Variants in RAD51B observed in about 807,000 individuals in gnomAD.
RAD51B encodes DNA repair protein RAD51 homolog 2.
RAD51B carries 38 observed loss-of-function variants against 42.2 expected under a neutral mutation model. The observed-to-expected ratio is 0.90, with a 90% CI of 0.70 to 1.18. The LOEUF is 1.18. RAD51B is among the 50% of genes most tolerant of loss of function. RAD51B has a pLI of 0.00. For synonymous variants in RAD51B, 154 were observed against 145.2 expected (o/e 1.06, Z -0.43); for missense variants, 373 against 400.7 (o/e 0.93, Z 0.59).
rs117545362 is a variant in RAD51B at position 68,575,900 on chromosome 14, G to A, written c.1037-18585G>A. ...GTTCTTTTCAAAAGGATTTGACTAA[G>A]AAGAATGTAGTGAAGGCACAACTTA... On this transcript the variant is annotated intron_variant, in intron 10 of 10. Coordinates refer to the RAD51B transcript ENST00000487270. Among the ~76,000 whole-genome samples the A allele has an allele frequency of 3.8e-3, 577 of 152,348 alleles. 2 individuals carry two copies. Among genetic ancestry groups the A allele is most frequent in the Middle Eastern group, 6.8e-3 (2 of 294 alleles).
intron 10 of RAD51B, among the ~76,000 whole-genome samples, chr14:68,550,134 C>A (rs1023269924): frequency 6.6e-6 from 1 of 152,240 alleles, no homozygotes; most frequent in Non-Finnish European, 1.5e-5. Context: ...CCTGTGCACA[C>A]GCTGCGCCGT....
intron 10 of RAD51B, among the ~76,000 whole-genome samples, chr14:68,550,890 TAAAG>T (rs1157889378): frequency 6.6e-6 from 1 of 152,060 alleles, no homozygotes; most frequent in Admixed American, 6.6e-5. Flanking sequence ...AAAAAATAGT[TAAAG>T]AGAGGCATTT....
intron 7 of RAD51B, among the ~76,000 whole-genome samples, chr14:67,909,741 C>T (rs952975116): frequency 4.6e-5 from 7 of 152,156 alleles, no homozygotes; most frequent in South Asian, 4.1e-4. Context: ...TAGCGTAGCA[C>T]GAACATGGCT....
chr14:68,482,477 GGATAAGGATTAGGT>G, downstream of RAD51B, among the ~76,000 whole-genome samples: 1 of 152,280 alleles, frequency 6.6e-6, no homozygotes, highest in East Asian at 1.9e-4. Context: ...TGGAAAGGGA[GGATAAGGATTAGGT>G]AATGGGAGAA....
chr14:67,909,520 G>A (rs991162643), intron 7 of RAD51B, among the ~76,000 whole-genome samples: 1 of 152,112 alleles, frequency 6.6e-6, no homozygotes, highest in Non-Finnish European at 1.5e-5. Context: ...ATATCTTTGC[G>A]GTTTTGTTTG....
chr14:68,246,145 G>T (rs1214374637), intron 7 of RAD51B, among the ~76,000 whole-genome samples: 4 of 152,070 alleles, frequency 2.6e-5, no homozygotes, highest in African/African-American at 9.7e-5. Flanking sequence ...CACACAGTGG[G>T]CCCTAACTCC....
chr14:67,879,937 T>G (rs1452024368), intron 5 of RAD51B, among the ~76,000 whole-genome samples: 1 of 152,212 alleles, frequency 6.6e-6, no homozygotes, highest in Admixed American at 6.5e-5. Flanking sequence ...TGAAACCATA[T>G]TATTGCATTT....
chr14:67,951,113 G>A (rs755144438), intron 7 of RAD51B, among the ~76,000 whole-genome samples: 1 of 152,200 alleles, frequency 6.6e-6, no homozygotes, highest in Non-Finnish European at 1.5e-5. Flanking sequence ...ACACGGACAT[G>A]AAATGAGCAC....
intron 7 of RAD51B, among the ~76,000 whole-genome samples, chr14:68,245,769 T>C (rs1470816068): frequency 6.6e-6 from 1 of 152,110 alleles, no homozygotes; most frequent in Non-Finnish European, 1.5e-5. Context: ...CTGTTCAAGA[T>C]TGGTATTAAA....
chr14:68,395,556 G>A (rs923664454), intron 8 of RAD51B, among the ~76,000 whole-genome samples: 3 of 152,094 alleles, frequency 2.0e-5, no homozygotes, highest in Non-Finnish European at 2.9e-5. Context: ...TTATGCTCTC[G>A]AGGTCTTCCC....
intron 7 of RAD51B, among the ~76,000 whole-genome samples, chr14:67,915,346 G>T (rs953489504): frequency 6.6e-6 from 1 of 152,312 alleles, no homozygotes; most frequent in Non-Finnish European, 1.5e-5. Context: ...GCTTTTATTG[G>T]ATAGATTTGA....
chr14:68,056,816 C>T (rs1350278833), intron 7 of RAD51B, among the ~76,000 whole-genome samples: 1 of 151,830 alleles, frequency 6.6e-6, no homozygotes, highest in African/African-American at 2.4e-5. Context: ...CGGTGGCTCA[C>T]ACCTGTAATC....
intron 7 of RAD51B, chr14:68,000,200 C>G (rs914391403): frequency 6.6e-6 from 1 of 152,096 alleles, no homozygotes; most frequent in Non-Finnish European, 1.5e-5. Flanking sequence ...CTATTCAAGA[C>G]TGCTTTACGT....
intron 9 of RAD51B, among the ~76,000 whole-genome samples, chr14:68,423,741 CT>C (rs1436824607): frequency 6.6e-6 from 1 of 152,130 alleles, no homozygotes; most frequent in Non-Finnish European, 1.5e-5. Context: ...ACCTTCAATA[CT>C]TATACTTGGT....
chr14:68,257,390 CA>C (rs1158710109), intron 7 of RAD51B, among the ~76,000 whole-genome samples: 1 of 151,456 alleles, frequency 6.6e-6, no homozygotes, highest in Non-Finnish European at 1.5e-5. Context: ...AGCAATGGAA[CA>C]AAAAATTAAA....
At chr14:68,216,728 A>G (rs2079823168) in intron 7 of RAD51B, among the ~76,000 whole-genome samples, 4 of 152,188 alleles carry the variant, frequency 2.6e-5, no homozygotes, top group Non-Finnish European at 5.9e-5. Context: ...CCTCTGTTTT[A>G]TGGATTTACA....
chr14:68,025,138 A>C (rs193113045), intron 7 of RAD51B, among the ~76,000 whole-genome samples: 109 of 152,170 alleles, frequency 7.2e-4, no homozygotes, highest in African/African-American at 2.6e-3. Flanking sequence ...TTATGTTGTG[A>C]ATCACATTGA....
intron 7 of RAD51B, among the ~76,000 whole-genome samples, chr14:67,955,233 C>T (rs1424081223): frequency 1.3e-5 from 2 of 152,114 alleles, no homozygotes; most frequent in African/African-American, 2.4e-5. Flanking sequence ...AGGCTGCATT[C>T]AGAAATATGA....
chr14:68,059,309 C>A (rs920026490), intron 7 of RAD51B, among the ~76,000 whole-genome samples: 7 of 152,206 alleles, frequency 4.6e-5, no homozygotes, highest in Non-Finnish European at 1.5e-5. Context: ...GTTATCTTCA[C>A]AAGATCTGAG....
Sources: allele counts gnomAD v4.1 joint callset (sites outside exome capture counted in the v4.1 genomes callset), GRCh38; gene constraint gnomAD v4.1.1; transcripts MANE v1.5; gene names NCBI Gene and HGNC (gene_info 2026-07-23, HGNC 2026-07-21).